Variants in NBEA observed in about 807,000 individuals in gnomAD.
NBEA encodes the protein neurobeachin, also known as lysosomal-trafficking regulator 2.
In NBEA, 44 loss-of-function variants were observed where a neutral mutation model predicts 343.4. The ratio of observed to expected loss-of-function variants is 0.13; its 90% CI spans 0.10 to 0.16. NBEA has a LOEUF of 0.16. Among genes scored for constraint, NBEA ranks in the 10% least tolerant of loss-of-function variants. NBEA has a pLI of 1.00. For missense variants in NBEA, 2,555 were observed against 3,631.3 expected, an observed-to-expected ratio of 0.70 and a Z score of 7.62; for synonymous variants, 1,175 against 1,238.7, an observed-to-expected ratio of 0.95 and a Z score of 1.08.
At chr13:35,297,618 T>A (rs2036221414) in intron 35 of NBEA, among the ~76,000 whole-genome samples, 1 of 152,030 alleles carries the variant, frequency 6.6e-6, no homozygotes, top group African/African-American at 2.4e-5. Context: ...GAAGTCACTT[T>A]ATGGATGTTA....
intron 30 of NBEA, among the ~76,000 whole-genome samples, chr13:35,190,985 G>C (rs1026899403): frequency 6.6e-6 from 1 of 152,110 alleles, no homozygotes; most frequent in South Asian, 2.1e-4. Flanking sequence ...GTTGAAAATT[G>C]TAATAACTGA....
Position 35,109,429 on chromosome 13 carries a change from A to C in NBEA, c.1820A>C (p.His607Pro), listed in dbSNP as rs757221972. The C allele has an allele frequency of 6.2e-7, 1 of 1,608,554 alleles. No homozygotes were observed. Among genetic ancestry groups the C allele is most frequent in the East Asian group, 2.2e-5 (1 of 44,668 alleles). The change falls in exon 12 of 59, where the codon CAT (histidine) becomes CCT (proline). Residue 607 changes from histidine (H) to proline (P), a missense_variant. Around this residue, in one of 21 missense-constraint regions of NBEA, gnomAD observed 360 missense variants for 519.1 expected, o/e 0.69. Coordinates refer to ENST00000379939, the MANE Select transcript of NBEA (RefSeq NM_001385012.1). ...HILFNPAIWI[H>P]TPAKVQLSLY... is the part of the protein sequence containing the mutation. ...TTATTTAACCCAGCCATCTGGATACATACACCTGCAAAGGTATGAATTTTA... is the reference window on the plus strand; with the variant it reads ...TTATTTAACCCAGCCATCTGGATACCTACACCTGCAAAGGTATGAATTTTA...
In NBEA at chr13:35,646,242, C is replaced by T. The variant is rs55928043; in HGVS notation, c.7681-17C>T. On this transcript the variant is annotated splice_polypyrimidine_tract_variant and intron_variant, in intron 50 of 58. Coordinates refer to ENST00000379939, the MANE Select transcript of NBEA (RefSeq NM_001385012.1). ...TGATGCATATTGATTATGACAATCA[C>T]CCTCCTTCCCCTGCAGGCCATGGAG... is the stretch of plus-strand genomic sequence containing the variant. 4.4e-6 allele frequency: 7 copies of T among 1,580,496 alleles called. No individual in the cohort carries two copies. Among genetic ancestry groups the T allele is most frequent in the Non-Finnish European group, 6.1e-6 (7 of 1,151,072 alleles).
chr13:35,363,222 T>G lies in NBEA; in HGVS notation c.6179+10899T>G, dbSNP rs150980293. On this transcript the variant is annotated intron_variant, in intron 38 of 58. Transcript: ENST00000379939. ...CACACTCCAGGATTAGGTAGAAATT[T>G]TAATAATTTTACTGGTGTAAAGCCC... 3.3e-5 allele frequency among the ~76,000 whole-genome samples: 5 copies of G among 152,002 alleles called. No homozygotes were observed. The East Asian group carries it at 9.7e-4, about 29-fold the overall frequency.
rs1349007853 is a variant in NBEA at position 35,654,842 on chromosome 13, C to T, written c.8036-13C>T. Reference sequence around the variant, plus strand: ...GAATCTTTCTTCAAATGCTTTTTTCCATTTACTTTTAGCCAATAATTCAGG... The same window carrying T: ...GAATCTTTCTTCAAATGCTTTTTTCTATTTACTTTTAGCCAATAATTCAGG... On this transcript the variant is annotated splice_polypyrimidine_tract_variant and intron_variant, in intron 53 of 58. Transcript: ENST00000379939. The T allele has an allele frequency of 1.3e-6, 2 of 1,557,588 alleles. No individual in the cohort carries two copies. Among genetic ancestry groups the T allele is most frequent in the Admixed American group, 4.3e-5 (2 of 46,408 alleles).
chr13:35,230,041 A>G (rs1222008225), intron 33 of NBEA, among the ~76,000 whole-genome samples: 3 of 152,132 alleles, frequency 2.0e-5, no homozygotes, highest in African/African-American at 7.2e-5. Context: ...GCCCCCTATT[A>G]GAAAATTAAA....
intron 34 of NBEA, among the ~76,000 whole-genome samples, chr13:35,267,713 A>T (rs1429849285): frequency 6.6e-6 from 1 of 151,914 alleles, no homozygotes; most frequent in East Asian, 1.9e-4. Flanking sequence ...TCAAAAAAGT[A>T]CATACAAATG....
chr13:35,653,055 A>T (rs2084635684), intron 53 of NBEA, among the ~76,000 whole-genome samples: 1 of 152,104 alleles, frequency 6.6e-6, no homozygotes, highest in Non-Finnish European at 1.5e-5. Context: ...CAAATGTTTC[A>T]TATGAATTGC....
intron 12 of NBEA, among the ~76,000 whole-genome samples, chr13:35,109,987 C>T (rs997924600): frequency 6.2e-5 from 9 of 145,096 alleles, no homozygotes; most frequent in Non-Finnish European, 1.3e-4. Flanking sequence ...AATATCTCAC[C>T]GAGTTATTAA....
At chr13:35,141,487 G>T (rs1047401219) in intron 17 of NBEA, among the ~76,000 whole-genome samples, 1 of 152,038 alleles carries the variant, frequency 6.6e-6, no homozygotes. Flanking sequence ...GGCTTGTCTC[G>T]AACTTCTGAC....
intron 36 of NBEA, among the ~76,000 whole-genome samples, chr13:35,315,325 T>C (rs1055739406): frequency 6.6e-6 from 1 of 152,158 alleles, no homozygotes; most frequent in African/African-American, 2.4e-5. Context: ...TAAATGTGCA[T>C]CTGAATTAAA....
chr13:35,015,041 A>T (rs951714049), intron 1 of NBEA, among the ~76,000 whole-genome samples: 1 of 146,250 alleles, frequency 6.8e-6, no homozygotes, highest in African/African-American at 2.5e-5. Context: ...CTGATCCAGC[A>T]CTGACCCCAG....
At chr13:35,111,913 C>CTTT (rs773135374) in intron 13 of NBEA, among the ~76,000 whole-genome samples, 134 of 122,746 alleles carry the variant, frequency 1.1e-3, no homozygotes, top group East Asian at 5.2e-3. Context: ...TAACACTTTC[C>CTTT]TTTTTTTTTT....
intron 40 of NBEA, among the ~76,000 whole-genome samples, chr13:35,471,594 G>A (rs2075651567): frequency 6.6e-6 from 1 of 152,116 alleles, no homozygotes; most frequent in Non-Finnish European, 1.5e-5. Context: ...TTCCATACGC[G>A]TAATTCGTGA....
At chr13:35,050,200 T>C in intron 5 of NBEA, 69 bp from the exon 6 acceptor site, 1 of 1,424,060 alleles carries the variant, frequency 7.0e-7, no homozygotes, top group Non-Finnish European at 9.6e-7. Context: ...TATAAGAATG[T>C]TTAATAGCCA....
At chr13:35,283,730 G>C (rs1566564720) in intron 34 of NBEA, among the ~76,000 whole-genome samples, 1 of 152,006 alleles carries the variant, frequency 6.6e-6, no homozygotes, top group Non-Finnish European at 1.5e-5. Flanking sequence ...ACAATAAATA[G>C]AATAACAAAT....
intron 1 of NBEA, among the ~76,000 whole-genome samples, chr13:35,020,305 G>A (rs2061793408): frequency 6.6e-6 from 1 of 151,952 alleles, no homozygotes; most frequent in Admixed American, 6.6e-5. Context: ...TTATTCTGAT[G>A]TATAGTTTTA....
chr13:35,032,814 T>A (rs1006545196), intron 1 of NBEA, among the ~76,000 whole-genome samples: 2 of 151,814 alleles, frequency 1.3e-5, no homozygotes, highest in Non-Finnish European at 3.0e-5. Context: ...TTTTGAGAAA[T>A]TGCTATTTAA....
intron 31 of NBEA, among the ~76,000 whole-genome samples, chr13:35,207,132 T>G (rs1323435769): frequency 6.6e-6 from 1 of 151,864 alleles, no homozygotes; most frequent in African/African-American, 2.4e-5. Flanking sequence ...ACAAAATGTT[T>G]TAAGTATTTC....
Sources: gnomAD v4.1 joint callset for allele counts (sites outside exome capture counted in the v4.1 genomes callset) on GRCh38, gnomAD v4.1.1 for gene constraint, gnomAD v4.1.1 regional missense constraint, MANE v1.5 for transcripts, NCBI Gene and HGNC (gene_info 2026-07-23, HGNC 2026-07-21) for gene names.